CTNNA1: variants seen among roughly 807,000 people sequenced by gnomAD.
CTNNA1 encodes catenin alpha 1.
A neutral mutation model predicts 98.4 loss-of-function variants in CTNNA1; 37 were observed. That is an observed-to-expected ratio of 0.38 (90% CI 0.29 to 0.49). CTNNA1 has a LOEUF of 0.49. Ranked by LOEUF, CTNNA1 falls within the 20% of genes least tolerant of loss-of-function variation. The pLI is 0.95. For synonymous variants in CTNNA1, 404 were observed against 413.2 expected (o/e 0.98, Z 0.27); for missense variants, 761 against 1,147.2 (o/e 0.66, Z 4.86).
chr5:138,825,482 G>GTTTTGTTTTTTTTTTTTTTTTTTTT (rs1760581190), intron 6 of CTNNA1, among the ~76,000 whole-genome samples: 2 of 74,112 alleles, frequency 2.7e-5, no homozygotes, highest in African/African-American at 1.2e-4. Flanking sequence ...AGCAGTATAA[G>GTTTTGTTTTTTTTTTTTTTTTTTTT]TTTTTTTTTT....
At chr5:138,756,953 TTTTGGGAGGCTGA>T (rs1016379859) in intron 1 of CTNNA1, among the ~76,000 whole-genome samples, 67 of 152,050 alleles carry the variant, frequency 4.4e-4, no homozygotes, top group African/African-American at 1.6e-3. Flanking sequence ...AATCCTGTTT[TTTTGGGAGGCTGA>T]GTTGGGAGGA....
intron 11 of CTNNA1, among the ~76,000 whole-genome samples, chr5:138,918,467 G>A (rs761744489): frequency 1.1e-4 from 17 of 152,032 alleles, no homozygotes; most frequent in Non-Finnish European, 1.8e-4. Context: ...AAGACTTTCT[G>A]TCTGCATGAT....
At chr5:138,866,310 A>ATTTATTTAT (rs1554092219) in intron 7 of CTNNA1, among the ~76,000 whole-genome samples, 48 of 145,314 alleles carry the variant, frequency 3.3e-4, no homozygotes, top group African/African-American at 1.3e-3. Flanking sequence ...TTATTTATTT[A>ATTTATTTAT]TTTATTTATT....
At chr5:138,779,151 T>C (rs577583230) in intron 1 of CTNNA1, among the ~76,000 whole-genome samples, 34 of 152,176 alleles carry the variant, frequency 2.2e-4, no homozygotes, top group Non-Finnish European at 7.3e-5. Flanking sequence ...AGTGCTGGAA[T>C]TACAAGCATG....
At position 138,934,402 on chromosome 5, in the gene CTNNA1, G is replaced by C. The variant is rs1290030863; in HGVS notation, c.*313G>C. Reference sequence around the variant, plus strand: ...AAGCCGAGATGCCCATTCTCTTAGTGATGGCGGCGTTAGGGTTTGAGAGAA... The same window carrying C: ...AAGCCGAGATGCCCATTCTCTTAGTCATGGCGGCGTTAGGGTTTGAGAGAA... On this transcript the variant is annotated 3_prime_UTR_variant, in exon 18 of 18. Transcript: ENST00000302763. 1 of 296,602 alleles carries C rather than the reference G, an allele frequency of 3.4e-6. No homozygotes were observed. Among genetic ancestry groups the C allele is most frequent in the Non-Finnish European group, 6.3e-6 (1 of 159,904 alleles). 18.4% of individuals were successfully genotyped at this position (296,602 alleles called of 1,614,324 possible). A position where few individuals can be genotyped will look rare whatever the true frequency, so the allele number is the denominator to read the frequency against.
At chr5:138,875,122 C>G (rs753422348) in intron 7 of CTNNA1, 2 of 514,142 alleles carry the variant, frequency 3.9e-6, no homozygotes, top group Admixed American at 3.7e-5. Flanking sequence ...TGTGATTGCT[C>G]TGATCCCTAA....
chr5:138,846,705 A>G (rs553263324), intron 7 of CTNNA1, among the ~76,000 whole-genome samples: 7 of 152,296 alleles, frequency 4.6e-5, no homozygotes, highest in African/African-American at 1.4e-4. Flanking sequence ...TTCTGTGACT[A>G]TTTCATTTAA....
intron 7 of CTNNA1, among the ~76,000 whole-genome samples, chr5:138,865,028 G>A (rs1053421235): frequency 1.3e-5 from 2 of 152,062 alleles, no homozygotes; most frequent in Admixed American, 6.6e-5. Flanking sequence ...TGGCCAGGCT[G>A]GTCTTGAACT....
chr5:138,836,341 A>G (rs1390025896), intron 7 of CTNNA1, among the ~76,000 whole-genome samples: 1 of 152,246 alleles, frequency 6.6e-6, no homozygotes, highest in Non-Finnish European at 1.5e-5. Flanking sequence ...AAGTTCATCC[A>G]TGTTGTAGAG....
chr5:138,844,788 TATACAAAGAAAG>T (rs1372172083), intron 7 of CTNNA1, among the ~76,000 whole-genome samples: 2 of 152,304 alleles, frequency 1.3e-5, no homozygotes, highest in African/African-American at 4.8e-5. Context: ...GTAAGTAGGA[TATACAAAGAAAG>T]AAAAGATTGG....
At chr5:138,840,250 G>A (rs917342718) in intron 7 of CTNNA1, among the ~76,000 whole-genome samples, 2 of 152,208 alleles carry the variant, frequency 1.3e-5, no homozygotes, top group African/African-American at 4.8e-5. Context: ...TTCTGTGACA[G>A]GTGCTTTATA....
rs1010510911 is a variant in CTNNA1, at chr5:138,931,388, G to A, written c.2298+453G>A. Among the ~76,000 whole-genome samples the A allele has an allele frequency of 2.0e-5, 3 of 152,296 alleles. No individual in the cohort carries two copies. The South Asian group carries it at 6.2e-4, about 32-fold the overall frequency. On this transcript the variant is annotated intron_variant, in intron 16 of 17. Coordinates refer to ENST00000302763, the MANE Select transcript of CTNNA1 (RefSeq NM_001903.5). Reference sequence around the variant, plus strand: ...GAAATTGTACAATACATTTCATTTGGTGTTTTAAGCCTGATCAAGAGAAGC... The same window carrying A: ...GAAATTGTACAATACATTTCATTTGATGTTTTAAGCCTGATCAAGAGAAGC...
At chr5:138,881,266 A>T in intron 7 of CTNNA1, 2 of 361,076 alleles carry the variant, frequency 5.5e-6, no homozygotes, top group Middle Eastern at 5.1e-4. Context: ...GGAATACAGG[A>T]CTATATAATC....
In CTNNA1 at chr5:138,933,914, T is replaced by C. The variant is rs1274447948; in HGVS notation, c.2546T>C (p.Met849Thr). 1 of 1,613,322 alleles carries C rather than the reference T, an allele frequency of 6.2e-7. No individual in the cohort carries two copies. Among genetic ancestry groups the C allele is most frequent in the African/African-American group, 1.3e-5 (1 of 74,902 alleles). ...ASTKYQKSQG[M>T]ASLNLPAVSW... is the part of the protein sequence containing the mutation. ...ACCAAATACCAAAAGTCACAGGGTA[T>C]GGCTTCCCTCAACCTTCCTGCTGTG... is the stretch of plus-strand genomic sequence containing the variant. The change falls in exon 18 of 18, where the codon ATG becomes ACG. Residue 849 changes from methionine (M) to threonine (T), a missense_variant. Around this residue, in one of 6 missense-constraint regions of CTNNA1, gnomAD observed 57 missense variants for 90.9 expected, o/e 0.63. Transcript: ENST00000302763.
At chr5:138,881,275 T>C in intron 7 of CTNNA1, 1 of 337,458 alleles carries the variant, frequency 3.0e-6, no homozygotes, top group Non-Finnish European at 5.9e-6. Flanking sequence ...GACTATATAA[T>C]CATTGTATTC....
intron 5 of CTNNA1, among the ~76,000 whole-genome samples, chr5:138,820,590 A>G (rs1021316955): frequency 2.6e-5 from 4 of 152,060 alleles, no homozygotes; most frequent in Non-Finnish European, 4.4e-5. Flanking sequence ...GTTGGGGTAT[A>G]GGGTGGTGGA....
chr5:138,824,094 A>G (rs1760387935), intron 5 of CTNNA1, among the ~76,000 whole-genome samples: 1 of 151,944 alleles, frequency 6.6e-6, no homozygotes, highest in African/African-American at 2.4e-5. Flanking sequence ...ATATCTATAT[A>G]GAGTTGTAAT....
Position 138,930,856 on chromosome 5 carries a change from C to A in CTNNA1, c.2219C>A (p.Ser740Ter). The A allele has an allele frequency of 6.2e-7, 1 of 1,613,056 alleles. No individual in the cohort carries two copies. Among genetic ancestry groups the A allele is most frequent in the Non-Finnish European group, 8.5e-7 (1 of 1,178,992 alleles). Residue 740 changes from serine to a stop codon, truncating the protein, a stop_gained, in exon 16 of 18, where the codon TCG (serine) becomes TAG (stop). Coordinates refer to ENST00000302763, the MANE Select transcript of CTNNA1 (RefSeq NM_001903.5). LOFTEE classifies it high-confidence loss of function. The stretch of plus-strand genomic sequence containing the variant: ...GGTAAAGGACCACTCAAAAATACAT[C>A]GGATGTCATCAGTGCTGCCAAGAAA... ...TRGKGPLKNT[S>*]DVISAAKKIA...
At chr5:138,863,598 G>T (rs982706399) in intron 7 of CTNNA1, among the ~76,000 whole-genome samples, 3 of 152,122 alleles carry the variant, frequency 2.0e-5, no homozygotes, top group Non-Finnish European at 4.4e-5. Flanking sequence ...TTGTGTTATA[G>T]ATTCTTACCT....
Sources: allele counts gnomAD v4.1 joint callset (sites outside exome capture counted in the v4.1 genomes callset), GRCh38; gene constraint gnomAD v4.1.1; regional missense constraint gnomAD v4.1.1; transcripts MANE v1.5; gene names NCBI Gene and HGNC (gene_info 2026-07-23, HGNC 2026-07-21).